The following ZNF395 variants were observed in gnomAD, a reference collection of about 807,000 sequenced individuals.
ZNF395 encodes the protein HD gene regulatory region-binding protein 2.
Under a neutral mutation model 57.7 loss-of-function variants are expected in ZNF395, and 20 were observed. The observed-to-expected ratio is 0.35, with a 90% CI of 0.24 to 0.50. ZNF395 has a LOEUF of 0.50. Among genes scored for constraint, ZNF395 ranks in the 20% least tolerant of loss-of-function variants. The pLI is 0.97. For synonymous variants in ZNF395, 295 were observed against 275.9 expected, an observed-to-expected ratio of 1.07 and a Z score of -0.69; for missense variants, 606 against 671.2, an observed-to-expected ratio of 0.90 and a Z score of 1.07.
chr8:28,359,455 T>A lies in ZNF395; in HGVS notation c.473+137A>T. On this transcript the variant is annotated intron_variant, in intron 3 of 9. Coordinates refer to ENST00000344423, the MANE Select transcript of ZNF395 (RefSeq NM_018660.3). This position sits in a 1 kb window ranked among gnomAD's most constrained non-coding sequence, Gnocchi z 4.7. ...GTTTTCTTAAAAGATTCCCCTTTTC[T>A]GTGTCCCATTTGTCCCAATATCTTG... The A allele has an allele frequency of 1.6e-6, 2 of 1,241,470 alleles. No individual in the cohort carries two copies. 76.9% of individuals were successfully genotyped at this position (1,241,470 alleles called of 1,614,324 possible). A position where few individuals can be genotyped will look rare whatever the true frequency, so the allele number is the denominator to read the frequency against.
intron 4 of ZNF395, among the ~76,000 whole-genome samples, chr8:28,355,352 T>C (rs1462748460): frequency 6.6e-6 from 1 of 152,128 alleles, no homozygotes; most frequent in South Asian, 2.1e-4. Flanking sequence ...GCAGAATACT[T>C]CAAGATAATT....
chr8:28,364,168 G>A (rs933807930), intron 1 of ZNF395, among the ~76,000 whole-genome samples: 5 of 152,208 alleles, frequency 3.3e-5, no homozygotes, highest in Non-Finnish European at 1.5e-5. Flanking sequence ...ACCTCAGAGA[G>A]GTCAGGATGC....
intron 4 of ZNF395, among the ~76,000 whole-genome samples, chr8:28,354,135 G>C (rs1328955722): frequency 3.9e-5 from 6 of 152,218 alleles, no homozygotes; most frequent in Non-Finnish European, 8.8e-5. Flanking sequence ...GTCATCGCAA[G>C]GTGGCAGGGG....
intron 1 of ZNF395, among the ~76,000 whole-genome samples, chr8:28,369,071 A>G (rs981307003): frequency 2.6e-5 from 4 of 151,620 alleles, no homozygotes; most frequent in African/African-American, 9.7e-5. Flanking sequence ...CCTGGCTTCA[A>G]GTGATCTGCC....
chr8:28,372,700 T>C (rs1475403132), intron 1 of ZNF395, among the ~76,000 whole-genome samples: 1 of 152,036 alleles, frequency 6.6e-6, no homozygotes, highest in East Asian at 1.9e-4. Context: ...GGTGGGAGGA[T>C]CACTTGAGCC....
In ZNF395 at chr8:28,359,810, G is replaced by T. The variant is rs138578357; in HGVS notation, c.255C>A (p.Tyr85Ter). Residue 85 changes from tyrosine to a stop codon, truncating the protein, a stop_gained, in exon 3 of 10, where the codon TAC becomes TAA. Transcript: ENST00000344423. LOFTEE classifies it high-confidence loss of function. The surrounding 1 kb of genome is among the most constrained non-coding windows in gnomAD (Gnocchi z 4.7). ...CCAGTCCTGTGCACTCTTGACCCCC[G>T]TACCACACATAAACCTGTGGGAAGA... ...FQPGQKVYVW[Y>*]GGQECTGLVE... 1 of 1,613,792 alleles carries T rather than the reference G, an allele frequency of 6.2e-7. No homozygotes were observed.
chr8:28,362,973 T>A (rs1801868154), intron 1 of ZNF395, among the ~76,000 whole-genome samples: 1 of 152,152 alleles, frequency 6.6e-6, no homozygotes, highest in Non-Finnish European at 1.5e-5. Flanking sequence ...CAGACAGAAA[T>A]TCCTAGTTAG....
rs1030442545 is a variant in ZNF395 at position 28,379,738 on chromosome 8, T to C, written c.-59+6655A>G. Among the ~76,000 whole-genome samples the C allele has an allele frequency of 3.3e-5, 5 of 152,004 alleles. 1 individual carries two copies. Among genetic ancestry groups the C allele is most frequent in the Non-Finnish European group, 7.4e-5 (5 of 68,014 alleles). ...AAGATTAATCACTGAATGAATCATC[T>C]ACTTTACCCTTTCTTGTCCTTGAAC... On this transcript the variant is annotated intron_variant, in intron 1 of 9. Transcript: ENST00000344423.
intron 1 of ZNF395, among the ~76,000 whole-genome samples, chr8:28,384,130 T>C (rs978190092): frequency 6.6e-6 from 1 of 152,152 alleles, no homozygotes; most frequent in African/African-American, 2.4e-5. Flanking sequence ...CACTGATGTG[T>C]CCCCCTAACA....
chr8:28,360,837 C>G (rs368669760), intron 2 of ZNF395, 48 bp downstream of exon 2: 3 of 1,600,692 alleles, frequency 1.9e-6, no homozygotes, highest in Non-Finnish European at 2.6e-6. Context: ...AGCCCCCTAC[C>G]CCAAGACTGG....
rs1052046571 is a variant in ZNF395 at position 28,352,157 on chromosome 8, C to A, written c.921-350G>T. The stretch of plus-strand genomic sequence containing the variant: ...CAGGGCCATGAGTCAGCTCCTACCA[C>A]TAGCAGCCTGCAAACTCGCTCTGCA... On this transcript the variant is annotated intron_variant, in intron 6 of 9. Coordinates refer to ENST00000344423, the MANE Select transcript of ZNF395 (RefSeq NM_018660.3). This position sits in a 1 kb window ranked among gnomAD's most constrained non-coding sequence, Gnocchi z 4.0. Among the ~76,000 whole-genome samples, 2 of 152,226 alleles carry A rather than the reference C, an allele frequency of 1.3e-5. No individual in the cohort carries two copies. Among genetic ancestry groups the A allele is most frequent in the Admixed American group, 6.5e-5 (1 of 15,288 alleles).
rs1563335065 is a variant in ZNF395 at position 28,348,528 on chromosome 8, CT to C, written c.*190del. On this transcript the variant is annotated 3_prime_UTR_variant, in exon 10 of 10. Transcript: ENST00000344423. ...TTTAGGGGGAAAAATATTTTTGTTT[CT>C]TTTTTTTAAAAAATAAAATGTTCGC... The C allele has an allele frequency of 8.5e-6, 5 of 590,582 alleles. No homozygotes were observed. The highest frequency in any genetic ancestry group is 3.0e-5 in the Admixed American group (1 of 33,330). 36.6% of individuals were successfully genotyped at this position (590,582 alleles called of 1,614,324 possible). A position where few individuals can be genotyped will look rare whatever the true frequency, so the allele number is the denominator to read the frequency against.
intron 1 of ZNF395, among the ~76,000 whole-genome samples, chr8:28,369,467 G>C (rs1165000884): frequency 1.3e-5 from 2 of 152,200 alleles, no homozygotes; most frequent in Non-Finnish European, 2.9e-5. Context: ...CCATTTAGAG[G>C]CTTGCTGGTC....
intron 1 of ZNF395, among the ~76,000 whole-genome samples, chr8:28,370,644 G>A (rs921596299): frequency 3.3e-5 from 5 of 152,156 alleles, no homozygotes; most frequent in Non-Finnish European, 5.9e-5. Flanking sequence ...TGCATCAATC[G>A]CAGACAGCAG....
chr8:28,365,435 T>G (rs1801899560), intron 1 of ZNF395: 1 of 152,254 alleles, frequency 6.6e-6, no homozygotes, highest in Non-Finnish European at 1.5e-5. Flanking sequence ...TCTGGTAAGT[T>G]CTTTCTTGGG....
chr8:28,352,060 G>A lies in ZNF395; in HGVS notation c.921-253C>T, dbSNP rs1182563547. Among the ~76,000 whole-genome samples, 4 of 152,196 alleles carry A rather than the reference G, an allele frequency of 2.6e-5. No homozygotes were observed. ...CATGTGCCAACCTCTCCTCTGGCAG[G>A]AGGCATCCCACACTGAGCACGACCA... On this transcript the variant is annotated intron_variant, in intron 6 of 9. Coordinates refer to ENST00000344423, the MANE Select transcript of ZNF395 (RefSeq NM_018660.3). The surrounding 1 kb of genome is among the most constrained non-coding windows in gnomAD (Gnocchi z 4.0).
chr8:28,360,114 G>A (rs1801830708), intron 2 of ZNF395, among the ~76,000 whole-genome samples: 1 of 152,166 alleles, frequency 6.6e-6, no homozygotes, highest in African/African-American at 2.4e-5. Flanking sequence ...TCATCATCCT[G>A]CCTTCCTTGA....
chr8:28,372,881 G>C (rs962023443), intron 1 of ZNF395, among the ~76,000 whole-genome samples: 1 of 152,154 alleles, frequency 6.6e-6, no homozygotes, highest in Non-Finnish European at 1.5e-5. Flanking sequence ...AGAAGGCAGC[G>C]CTCTTCAGGA....
At chr8:28,360,818 G>A in intron 2 of ZNF395, 67 bp downstream of exon 2, 1 of 1,574,284 alleles carries the variant, frequency 6.4e-7, no homozygotes, top group Non-Finnish European at 8.6e-7. Context: ...CCTGTCACTA[G>A]GGCACCCCAG....
Sources: allele counts gnomAD v4.1 joint callset (sites outside exome capture counted in the v4.1 genomes callset), GRCh38; gene constraint gnomAD v4.1.1; non-coding constraint Gnocchi (gnomAD v3.1); transcripts MANE v1.5; gene names NCBI Gene and HGNC (gene_info 2026-07-23, HGNC 2026-07-21).